The following MRPS25 variants were observed in gnomAD, a reference collection of about 807,000 sequenced individuals.
MRPS25 encodes small ribosomal subunit protein mS25.
In MRPS25, 15 loss-of-function variants were observed where a neutral mutation model predicts 17.3. The observed-to-expected ratio is 0.87, with a 90% CI of 0.58 to 1.34. MRPS25 has a LOEUF of 1.34. Among genes scored for constraint, MRPS25 ranks in the 40% most tolerant of loss-of-function variants. The pLI is 0.00. For missense variants in MRPS25, 225 were observed against 218.6 expected, an observed-to-expected ratio of 1.03 and a Z score of -0.19; for synonymous variants, 94 against 83.3, an observed-to-expected ratio of 1.13 and a Z score of -0.70.
At position 15,052,067 on chromosome 3, in the gene MRPS25, G is replaced by C. The variant is rs1459128516; in HGVS notation, c.*374C>G. The C allele has an allele frequency of 9.8e-7, 1 of 1,016,082 alleles. No individual in the cohort carries two copies. Among genetic ancestry groups the C allele is most frequent in the East Asian group, 9.5e-5 (1 of 10,496 alleles). 62.9% of individuals were successfully genotyped at this position (1,016,082 alleles called of 1,614,324 possible). ...ATGTTCTCCAGAGTAGAGCCCAGAG[G>C]AAGATTCAAAGCCAGCGGAGACCAG... On this transcript the variant is annotated 3_prime_UTR_variant, in exon 4 of 4. Transcript: ENST00000253686.
intron 2 of MRPS25, among the ~76,000 whole-genome samples, chr3:15,054,903 T>C (rs779441223): frequency 4.6e-5 from 7 of 152,196 alleles, no homozygotes; most frequent in African/African-American, 1.7e-4. Flanking sequence ...TTCTCTCACA[T>C]TGCTATAAAG....
chr3:15,050,029 C>A lies in MRPS25; in HGVS notation c.*2412G>T. ...AACATGTTATCAATTATAAAATCCT[C>A]ACATTTTCTCTAATTAATTTTCTCC... On this transcript the variant is annotated 3_prime_UTR_variant, in exon 4 of 4. Transcript: ENST00000253686. 6.9e-7 allele frequency: 1 copy of A among 1,459,308 alleles called. No individual in the cohort carries two copies. Among genetic ancestry groups the A allele is most frequent in the Non-Finnish European group, 8.9e-7 (1 of 1,120,582 alleles). The allele number at this position is 1,459,308 out of a possible 1,614,324, so 90.4% of individuals were successfully genotyped here. A position where few individuals can be genotyped will look rare whatever the true frequency, so the allele number is the denominator to read the frequency against.
At chr3:15,047,149 C>T (rs1033009544), downstream of MRPS25, 1 of 152,656 alleles carries the variant, frequency 6.6e-6, no homozygotes, top group Non-Finnish European at 1.5e-5. Flanking sequence ...TGTATCCAAA[C>T]TTTCCTTTAA....
At chr3:15,056,031 G>C (rs937133852) in intron 2 of MRPS25, among the ~76,000 whole-genome samples, 1 of 151,864 alleles carries the variant, frequency 6.6e-6, no homozygotes, top group Non-Finnish European at 1.5e-5. Context: ...GGCTAACACC[G>C]TGAAACCCCG....
At position 15,049,461 on chromosome 3, in the gene MRPS25, C is replaced by A. The variant is rs1004623452; in HGVS notation, c.*2980G>T. 4.4e-5 allele frequency: 9 copies of A among 202,322 alleles called. No individual in the cohort carries two copies. The highest frequency in any genetic ancestry group is 2.4e-5 in the African/African-American group (1 of 41,880). 12.5% of individuals were successfully genotyped at this position (202,322 alleles called of 1,614,324 possible). A position where few individuals can be genotyped will look rare whatever the true frequency, so the allele number is the denominator to read the frequency against. On this transcript the variant is annotated 3_prime_UTR_variant, in exon 4 of 4. Coordinates refer to ENST00000253686, the MANE Select transcript of MRPS25 (RefSeq NM_022497.5). ...CTGTGGTCCACTGGACTTATTAATACCTTTAGTGGGAAACCCTGGCAGGAC... is the reference window on the plus strand; with the variant it reads ...CTGTGGTCCACTGGACTTATTAATAACTTTAGTGGGAAACCCTGGCAGGAC...
chr3:15,053,490 A>G (rs754557343), intron 2 of MRPS25, 23 bp from the exon 3 acceptor site: 1 of 1,614,226 alleles, frequency 6.2e-7, no homozygotes, highest in Non-Finnish European at 8.5e-7. Context: ...AGCACGGGGC[A>G]GAAGAGAAAC....
chr3:15,052,326 A>G lies in MRPS25; in HGVS notation c.*115T>C. On this transcript the variant is annotated 3_prime_UTR_variant, in exon 4 of 4. Coordinates refer to ENST00000253686, the MANE Select transcript of MRPS25 (RefSeq NM_022497.5). ...GTGTGTAAAGTCCTTTTAATGCAAAAGGATTTCCAGAGTCTCCAGGGACAG... is the reference window on the plus strand; with the variant it reads ...GTGTGTAAAGTCCTTTTAATGCAAAGGGATTTCCAGAGTCTCCAGGGACAG... 1 of 1,492,352 alleles carries G rather than the reference A, an allele frequency of 6.7e-7. No individual in the cohort carries two copies. Among genetic ancestry groups the G allele is most frequent in the Non-Finnish European group, 8.9e-7 (1 of 1,122,746 alleles). 92.4% of individuals were successfully genotyped at this position (1,492,352 alleles called of 1,614,324 possible).
At chr3:15,060,632 C>T (rs2042739813) in intron 1 of MRPS25, among the ~76,000 whole-genome samples, 1 of 152,092 alleles carries the variant, frequency 6.6e-6, no homozygotes, top group African/African-American at 2.4e-5. Flanking sequence ...CCTGTAATCC[C>T]AGCACTTTGG....
chr3:15,064,177 G>A (rs1237381795), intron 1 of MRPS25, among the ~76,000 whole-genome samples: 2 of 152,122 alleles, frequency 1.3e-5, no homozygotes, highest in African/African-American at 4.8e-5. Context: ...GGCTAAGGCT[G>A]CCTCCTCCAT....
At chr3:15,054,222 A>G (rs965550269) in intron 2 of MRPS25, among the ~76,000 whole-genome samples, 4 of 152,018 alleles carry the variant, frequency 2.6e-5, no homozygotes, top group Admixed American at 6.6e-5. Context: ...AAAAAAAAAA[A>G]GAATAGACAC....
chr3:15,049,458 A>T lies in MRPS25; in HGVS notation c.*2983T>A, dbSNP rs895553452. 8 of 197,344 alleles carry T rather than the reference A, an allele frequency of 4.1e-5. No individual in the cohort carries two copies. The highest frequency in any genetic ancestry group is 8.1e-5 in the Non-Finnish European group (8 of 98,628). 12.2% of individuals were successfully genotyped at this position (197,344 alleles called of 1,614,324 possible). On this transcript the variant is annotated 3_prime_UTR_variant, in exon 4 of 4. Transcript: ENST00000253686. ...CCTCTGTGGTCCACTGGACTTATTA[A>T]TACCTTTAGTGGGAAACCCTGGCAG...
chr3:15,059,246 A>G (rs1437088177), intron 2 of MRPS25, 123 bp downstream of exon 2: 24 of 702,324 alleles, frequency 3.4e-5, no homozygotes, highest in Non-Finnish European at 5.8e-5. Flanking sequence ...CAAAGGTGCC[A>G]GGAGTCACAG....
rs1006607463 is a variant in MRPS25 at position 15,050,744 on chromosome 3, T to C, written c.*1697A>G. 6.1e-6 allele frequency: 6 copies of C among 985,286 alleles called. No homozygotes were observed. In the African/African-American group the frequency reaches 8.7e-5, roughly 14 times the overall value. The allele number at this position is 985,286 out of a possible 1,614,324, so 61.0% of individuals were successfully genotyped here. A position where few individuals can be genotyped will look rare whatever the true frequency, so the allele number is the denominator to read the frequency against. ...TGTCACTCAAGGAACACCTGTCCAT[T>C]ATACATCAGTCTCTGCCCACCTTCC... On this transcript the variant is annotated 3_prime_UTR_variant, in exon 4 of 4. Transcript: ENST00000253686.
chr3:15,065,021 G>T (rs1286076032), intron 1 of MRPS25, 40 bp downstream of exon 1: 2 of 1,571,186 alleles, frequency 1.3e-6, no homozygotes, highest in Middle Eastern at 1.7e-4. Context: ...GGCACGACTA[G>T]CAGGTTACGG....
rs1193478231 is a variant in MRPS25 at position 15,050,193 on chromosome 3, T to C, written c.*2248A>G. On this transcript the variant is annotated 3_prime_UTR_variant, in exon 4 of 4. Transcript: ENST00000253686. ...AAATAATGTTTATTTCCACAAATTA[T>C]CTGCTGCCTGTGAAGCTGGCCACAC... 2 of 1,197,432 alleles carry C rather than the reference T, an allele frequency of 1.7e-6. No homozygotes were observed. Among genetic ancestry groups the C allele is most frequent in the Non-Finnish European group, 2.1e-6 (2 of 964,908 alleles). The allele number at this position is 1,197,432 out of a possible 1,614,324, so 74.2% of individuals were successfully genotyped here.
At chr3:15,052,660 A>G in intron 3 of MRPS25, 27 bp from the exon 4 acceptor site, 2 of 1,605,664 alleles carry the variant, frequency 1.2e-6, no homozygotes, top group Non-Finnish European at 1.7e-6. Context: ...ACGGCAACCA[A>G]GCATTGGCAA....
rs915716028 is a variant in MRPS25 at position 15,064,577 on chromosome 3, G to C, written c.134+484C>G. On this transcript the variant is annotated intron_variant, in intron 1 of 3. Coordinates refer to ENST00000253686, the MANE Select transcript of MRPS25 (RefSeq NM_022497.5). ...CCAGCCTTAGAGTGGGGATAAGCTG[G>C]GGTTTCTCTAGGCATCAGAAAAAAG... Among the ~76,000 whole-genome samples, 3 of 152,338 alleles carry C rather than the reference G, an allele frequency of 2.0e-5. No individual in the cohort carries two copies. In the East Asian group the frequency reaches 5.8e-4, roughly 29 times the overall value.
At position 15,052,220 on chromosome 3, in the gene MRPS25, G is replaced by A. The variant is rs2042614870; in HGVS notation, c.*221C>T. 3.9e-6 allele frequency: 5 copies of A among 1,281,340 alleles called. No individual in the cohort carries two copies. The South Asian group carries it at 1.4e-4, about 37-fold the overall frequency. 79.4% of individuals were successfully genotyped at this position (1,281,340 alleles called of 1,614,324 possible). ...ATACACGCCAAGCTGCTATTAGGAAGCGTTTTATTGACCAGCAGAGCAGGG... is the reference window on the plus strand; with the variant it reads ...ATACACGCCAAGCTGCTATTAGGAAACGTTTTATTGACCAGCAGAGCAGGG... On this transcript the variant is annotated 3_prime_UTR_variant, in exon 4 of 4. Coordinates refer to ENST00000253686, the MANE Select transcript of MRPS25 (RefSeq NM_022497.5).
downstream of MRPS25, chr3:15,043,037 C>A: frequency 6.2e-7 from 1 of 1,607,646 alleles, no homozygotes; most frequent in Non-Finnish European, 8.5e-7. Flanking sequence ...CAAGGAGCAA[C>A]AGAATCCTTC....
Sources: gnomAD v4.1 joint callset for allele counts (sites outside exome capture counted in the v4.1 genomes callset) on GRCh38, gnomAD v4.1.1 for gene constraint, MANE v1.5 for transcripts, NCBI Gene and HGNC (gene_info 2026-07-23, HGNC 2026-07-21) for gene names.